Variants in PPP1R9B observed in about 807,000 individuals in gnomAD.
The protein encoded by PPP1R9B is neurabin-2.
In PPP1R9B, 17 loss-of-function variants were observed where a neutral mutation model predicts 75.8. That is an observed-to-expected ratio of 0.22 (90% CI 0.15 to 0.34). PPP1R9B has a LOEUF of 0.34. Among genes scored for constraint, PPP1R9B ranks in the 10% least tolerant of loss-of-function variants. The pLI, the probability that PPP1R9B is intolerant of heterozygous loss-of-function variation, is 1.00. For synonymous variants in PPP1R9B, 509 were observed against 535.4 expected (o/e 0.95, Z 0.68); for missense variants, 875 against 1,196.0 (o/e 0.73, Z 3.96).
rs1188733581 is a variant in PPP1R9B at position 50,135,970 on chromosome 17, C to T, written c.2301G>A (p.Gln767=). Residue 767 remains glutamine, a splice_region_variant and synonymous_variant, in exon 8 of 10, where the codon CAG becomes CAA. Transcript: ENST00000612501. The part of the protein sequence containing the change: ...KAKRLIKDYQ[Q]KEIEFLKKET... The stretch of plus-strand genomic sequence containing the variant: ...CCGCCCAGCCCCCAGCCACGTACTT[C>T]TGCTGGTAGTCCTTGATGAGGCGCT... 2 of 1,447,164 alleles carry T rather than the reference C, an allele frequency of 1.4e-6. No homozygotes were observed. Among genetic ancestry groups the T allele is most frequent in the East Asian group, 2.5e-5 (1 of 39,518 alleles). The allele number at this position is 1,447,164 out of a possible 1,614,324, so 89.6% of individuals were successfully genotyped here. A position where few individuals can be genotyped will look rare whatever the true frequency, so the allele number is the denominator to read the frequency against.
At chr17:50,145,065 G>T in intron 2 of PPP1R9B, 48 bp downstream of exon 2, 1 of 1,602,136 alleles carries the variant, frequency 6.2e-7, no homozygotes. Context: ...GATGAGACCC[G>T]GGTCAACCCC....
rs766367603 is a variant in PPP1R9B at position 50,141,366 on chromosome 17, C to G, written c.1633G>C (p.Val545Leu). Reference sequence around the variant, plus strand: ...TCCACCTCCACCAGGAGATCATTCACCTGGATCCTAGCGGAGTGACATTGG... The same window carrying G: ...TCCACCTCCACCAGGAGATCATTCAGCTGGATCCTAGCGGAGTGACATTGG... ...GAAHRDGRIQ[V>L]NDLLVEVDGT... The change falls in exon 4 of 10, where the codon GTG becomes CTG. Residue 545 changes from valine (V) to leucine (L), a missense_variant. This residue lies in a region of PPP1R9B where 63 missense variants were observed against 160.2 expected (regional missense o/e 0.39). Coordinates refer to ENST00000612501, the MANE Select transcript of PPP1R9B (RefSeq NM_032595.5). The G allele has an allele frequency of 6.3e-7, 1 of 1,581,106 alleles. No homozygotes were observed. Among genetic ancestry groups the G allele is most frequent in the African/African-American group, 1.4e-5 (1 of 73,772 alleles).
At chr17:50,148,500 G>T (rs1441180898) in intron 1 of PPP1R9B, among the ~76,000 whole-genome samples, 1 of 152,234 alleles carries the variant, frequency 6.6e-6, no homozygotes, top group Non-Finnish European at 1.5e-5. Flanking sequence ...CAGCTGGCCT[G>T]CAGGGACCCC....
At chr17:50,136,474 C>T (rs1233066160) in intron 7 of PPP1R9B, among the ~76,000 whole-genome samples, 1 of 152,140 alleles carries the variant, frequency 6.6e-6, no homozygotes, top group South Asian at 2.1e-4. Flanking sequence ...TCTGACTTGG[C>T]GCAATGCAAC....
At position 50,135,110 on chromosome 17, in the gene PPP1R9B, G is replaced by A; in HGVS notation, c.*221C>T. On this transcript the variant is annotated 3_prime_UTR_variant, in exon 10 of 10. Coordinates refer to ENST00000612501, the MANE Select transcript of PPP1R9B (RefSeq NM_032595.5). ...TGCCTCAGCCCCATGGGGCAAGAAA[G>A]AGGCTGCCCTTCTAGCCACCTCTGT... is the stretch of plus-strand genomic sequence containing the variant. 1 of 589,856 alleles carries A rather than the reference G, an allele frequency of 1.7e-6. No individual in the cohort carries two copies. The highest frequency in any genetic ancestry group is 3.0e-6 in the Non-Finnish European group (1 of 329,428). The allele number at this position is 589,856 out of a possible 1,614,324, so 36.5% of individuals were successfully genotyped here.
At position 50,149,717 on chromosome 17, in the gene PPP1R9B, G is replaced by A. The variant is rs1458111843; in HGVS notation, c.797C>T (p.Pro266Leu). ...PPPPAPSGDA[P>L]AEKERCPAGQ... ...TGCGGGGCATCGCTCTTTCTCGGCC[G>A]GGGCATCCCCCGACGGGGCGGGCGG... is the stretch of plus-strand genomic sequence containing the variant. The change falls in exon 1 of 10, where the codon CCG (proline) becomes CTG (leucine). Residue 266 changes from proline (P) to leucine (L), a missense_variant. This residue lies in a region of PPP1R9B where 449 missense variants were observed against 475.0 expected (regional missense o/e 0.95). Coordinates refer to ENST00000612501, the MANE Select transcript of PPP1R9B (RefSeq NM_032595.5). The surrounding 1 kb of genome is among the most constrained non-coding windows in gnomAD (Gnocchi z 7.2). 5.7e-6 allele frequency: 8 copies of A among 1,411,208 alleles called. No homozygotes were observed. The highest frequency in any genetic ancestry group is 3.2e-5 in the Admixed American group (1 of 31,362). The allele number at this position is 1,411,208 out of a possible 1,614,324, so 87.4% of individuals were successfully genotyped here.
In PPP1R9B at chr17:50,134,257, G is replaced by A. The variant is rs1912149709; in HGVS notation, c.*1074C>T. On this transcript the variant is annotated 3_prime_UTR_variant, in exon 10 of 10. Coordinates refer to ENST00000612501, the MANE Select transcript of PPP1R9B (RefSeq NM_032595.5). Reference sequence around the variant, plus strand: ...CACTTAGAAGGCAGGCTGCCAGCAGGGCAGCCCTGGTCTCCAAAAAGATGA... The same window carrying A: ...CACTTAGAAGGCAGGCTGCCAGCAGAGCAGCCCTGGTCTCCAAAAAGATGA... 6.6e-6 allele frequency: 1 copy of A among 152,620 alleles called. No individual in the cohort carries two copies. The highest frequency in any genetic ancestry group is 1.5e-5 in the Non-Finnish European group (1 of 68,028). The allele number at this position is 152,620 out of a possible 1,614,324, so 9.5% of individuals were successfully genotyped here. A position where few individuals can be genotyped will look rare whatever the true frequency, so the allele number is the denominator to read the frequency against.
At chr17:50,148,869 A>G (rs2144458559) in intron 1 of PPP1R9B, among the ~76,000 whole-genome samples, 2 of 152,228 alleles carry the variant, frequency 1.3e-5, no homozygotes, top group Admixed American at 1.3e-4. Flanking sequence ...CGCGTGGGGC[A>G]GGGCGGGTTC....
At position 50,150,338 on chromosome 17, in the gene PPP1R9B, C is replaced by A; in HGVS notation, c.176G>T (p.Ser59Ile). Residue 59 changes from serine to isoleucine, a missense_variant, in exon 1 of 10, where the codon AGT becomes ATT. This residue lies in a region of PPP1R9B where 145 missense variants were observed against 226.1 expected (regional missense o/e 0.64). Transcript: ENST00000612501. The surrounding 1 kb of genome is among the most constrained non-coding windows in gnomAD (Gnocchi z 8.7). Reference protein sequence around the residue: ...KYGSNVHRIKSMFLQMGTTAG... With the variant: ...KYGSNVHRIKIMFLQMGTTAG... The stretch of plus-strand genomic sequence containing the variant: ...CGTCGTGCCCATCTGCAGGAACATA[C>A]TTTTGATGCGGTGGACGTTGGAGCC... 1 of 1,432,824 alleles carries A rather than the reference C, an allele frequency of 7.0e-7. No individual in the cohort carries two copies. The highest frequency in any genetic ancestry group is 9.2e-7 in the Non-Finnish European group (1 of 1,090,056). The allele number at this position is 1,432,824 out of a possible 1,614,324, so 88.8% of individuals were successfully genotyped here.
rs1478408981 is a variant in PPP1R9B at position 50,149,311 on chromosome 17, G to A, written c.1203C>T (p.Leu401=). 6 of 1,612,928 alleles carry A rather than the reference G, an allele frequency of 3.7e-6. No homozygotes were observed. Among genetic ancestry groups the A allele is most frequent in the Non-Finnish European group, 5.1e-6 (6 of 1,179,670 alleles). The change falls in exon 1 of 10, where the codon CTC becomes CTT. Residue 401 remains leucine, a synonymous_variant. Coordinates refer to ENST00000612501, the MANE Select transcript of PPP1R9B (RefSeq NM_032595.5). The surrounding 1 kb of genome is among the most constrained non-coding windows in gnomAD (Gnocchi z 7.2). ...DLVDVSAYSG[L]GEDSAGSALE... is the part of the protein sequence containing the mutation. Reference sequence around the variant, plus strand: ...GGGCACTGCCCGCAGAGTCCTCCCCGAGCCCACTGTAGGCGCTCACGTCCA... The same window carrying A: ...GGGCACTGCCCGCAGAGTCCTCCCCAAGCCCACTGTAGGCGCTCACGTCCA...
Position 50,140,201 on chromosome 17 carries a change from T to G in PPP1R9B, c.1758A>C (p.Gly586=). ...TTAGCTGGGCCACTTCGCTCTGCTC[T>G]CCCGGCCGCTCCCGGCCAATCATAA... is the stretch of plus-strand genomic sequence containing the variant. ...VRFMIGRERP[G]EQSEVAQLIQ... is the part of the protein sequence containing the mutation. The change falls in exon 5 of 10, where the codon GGA becomes GGC. Residue 586 remains glycine, a synonymous_variant. Coordinates refer to ENST00000612501, the MANE Select transcript of PPP1R9B (RefSeq NM_032595.5). The G allele has an allele frequency of 6.3e-7, 1 of 1,599,260 alleles. No individual in the cohort carries two copies. Among genetic ancestry groups the G allele is most frequent in the African/African-American group, 1.3e-5 (1 of 74,750 alleles).
rs777231999 is a variant in PPP1R9B at position 50,136,199 on chromosome 17, TGAGA to T, written c.2074-6_2074-3del. ...CTTCTCCTGCTCCAGGCTCTGCAGC[TGAGA>T]GAGAAAGGCACGGCCCTGGGTTGGT... On this transcript the variant is annotated splice_region_variant and splice_polypyrimidine_tract_variant and intron_variant, in intron 7 of 9. Transcript: ENST00000612501. 3 of 1,599,538 alleles carry T rather than the reference TGAGA, an allele frequency of 1.9e-6. No individual in the cohort carries two copies. Among genetic ancestry groups the T allele is most frequent in the South Asian group, 2.2e-5 (2 of 90,912 alleles).
intron 1 of PPP1R9B, among the ~76,000 whole-genome samples, chr17:50,147,047 C>A (rs1324798249): frequency 6.6e-6 from 1 of 152,220 alleles, no homozygotes; most frequent in African/African-American, 2.4e-5. Flanking sequence ...CACATGGACA[C>A]ACACGCCCGC....
chr17:50,138,813 T>C (rs562792574), intron 7 of PPP1R9B, among the ~76,000 whole-genome samples: 21 of 152,254 alleles, frequency 1.4e-4, no homozygotes, highest in African/African-American at 4.8e-4. Flanking sequence ...TTTGTAGAGA[T>C]AGGTTTTCGC....
At chr17:50,140,029 A>G (rs145237395) in intron 5 of PPP1R9B, 64 bp downstream of exon 5, 4 of 1,560,330 alleles carry the variant, frequency 2.6e-6, no homozygotes, top group East Asian at 4.5e-5. Flanking sequence ...GAGGCAGATG[A>G]CTGTAATGCT....
In PPP1R9B at chr17:50,139,951, G is replaced by T; in HGVS notation, c.1866+142C>A. 1.1e-6 allele frequency: 1 copy of T among 940,950 alleles called. No homozygotes were observed. Among genetic ancestry groups the T allele is most frequent in the Non-Finnish European group, 1.6e-6 (1 of 642,216 alleles). The allele number at this position is 940,950 out of a possible 1,614,324, so 58.3% of individuals were successfully genotyped here. A position where few individuals can be genotyped will look rare whatever the true frequency, so the allele number is the denominator to read the frequency against. ...GTGTATTCCTTGTCCGGCCTCTGAA[G>T]ACAAAGAGTGTGACTGGAGGACAGG... On this transcript the variant is annotated intron_variant, in intron 5 of 9. Coordinates refer to ENST00000612501, the MANE Select transcript of PPP1R9B (RefSeq NM_032595.5). This position sits in a 1 kb window ranked among gnomAD's most constrained non-coding sequence, Gnocchi z 5.0.
chr17:50,143,108 T>C (rs1007226969), intron 3 of PPP1R9B, among the ~76,000 whole-genome samples: 1 of 152,170 alleles, frequency 6.6e-6, no homozygotes, highest in African/African-American at 2.4e-5. Flanking sequence ...TGCATTTCCC[T>C]CCATTTCACT....
Position 50,134,964 on chromosome 17 carries a change from G to C in PPP1R9B, c.*367C>G, listed in dbSNP as rs1287945673. 1 of 235,634 alleles carries C rather than the reference G, an allele frequency of 4.2e-6. No individual in the cohort carries two copies. Among genetic ancestry groups the C allele is most frequent in the African/African-American group, 2.3e-5 (1 of 44,106 alleles). The allele number at this position is 235,634 out of a possible 1,614,324, so 14.6% of individuals were successfully genotyped here. A position where few individuals can be genotyped will look rare whatever the true frequency, so the allele number is the denominator to read the frequency against. ...AGCCCCCAGTTGGCAGATGCTGGGA[G>C]AGCCCCAGCCCCGTTCCAGTCCAGA... On this transcript the variant is annotated 3_prime_UTR_variant, in exon 10 of 10. Coordinates refer to ENST00000612501, the MANE Select transcript of PPP1R9B (RefSeq NM_032595.5).
In PPP1R9B at chr17:50,135,168, T is replaced by G; in HGVS notation, c.*163A>C. On this transcript the variant is annotated 3_prime_UTR_variant, in exon 10 of 10. Coordinates refer to ENST00000612501, the MANE Select transcript of PPP1R9B (RefSeq NM_032595.5). ...GGCCATCTTAAGGGGGCCTGTGATATGAGCCCTCTGGTCCCTGAAGCTGGG... is the reference window on the plus strand; with the variant it reads ...GGCCATCTTAAGGGGGCCTGTGATAGGAGCCCTCTGGTCCCTGAAGCTGGG... 1 of 599,816 alleles carries G rather than the reference T, an allele frequency of 1.7e-6. No homozygotes were observed. The highest frequency in any genetic ancestry group is 2.9e-6 in the Non-Finnish European group (1 of 344,364). 37.2% of individuals were successfully genotyped at this position (599,816 alleles called of 1,614,324 possible).
Sources: allele counts gnomAD v4.1 joint callset (sites outside exome capture counted in the v4.1 genomes callset), GRCh38; gene constraint gnomAD v4.1.1; regional missense constraint gnomAD v4.1.1; non-coding constraint Gnocchi (gnomAD v3.1); transcripts MANE v1.5; gene names NCBI Gene and HGNC (gene_info 2026-07-23, HGNC 2026-07-21).